Variants in CALN1 observed in about 807,000 individuals in gnomAD.
The protein encoded by CALN1 is calcium-binding protein 8.
CALN1 carries 17 observed loss-of-function variants against 30.6 expected under a neutral mutation model. The ratio of observed to expected loss-of-function variants is 0.56; its 90% CI spans 0.38 to 0.83. The LOEUF is 0.83. Among genes scored for constraint, CALN1 ranks in the 40% least tolerant of loss-of-function variants. CALN1 has a pLI of 0.00. For synonymous variants in CALN1, 156 were observed against 131.4 expected (o/e 1.19, Z -1.28); for missense variants, 291 against 354.9 (o/e 0.82, Z 1.45).
chr7:72,413,233 TCA>T (rs982182834), upstream of CALN1, among the ~76,000 whole-genome samples: 16 of 147,992 alleles, frequency 1.1e-4, no homozygotes, highest in Admixed American at 4.0e-4. Flanking sequence ...ACATATACAC[TCA>T]CACACACCAC....
At chr7:72,071,673 T>C (rs1804404580) in intron 4 of CALN1, among the ~76,000 whole-genome samples, 3 of 152,188 alleles carry the variant, frequency 2.0e-5, no homozygotes, top group Non-Finnish European at 4.4e-5. Context: ...TTTCCAGAGG[T>C]ACTCCATTAT....
intron 5 of CALN1, among the ~76,000 whole-genome samples, chr7:71,894,426 G>T (rs1263173014): frequency 6.7e-6 from 1 of 149,414 alleles, no homozygotes; most frequent in African/African-American, 2.5e-5. Context: ...TACTATGCCT[G>T]GCTAATTTTT....
At chr7:71,953,290 G>A (rs116192625) in intron 5 of CALN1, among the ~76,000 whole-genome samples, 1,793 of 152,174 alleles carry the variant, frequency 0.012, 33 homozygotes, top group African/African-American at 0.04. Flanking sequence ...ATCTGTTGGT[G>A]CCCACGGCTT....
chr7:71,991,709 C>T (rs1255200879), intron 5 of CALN1, among the ~76,000 whole-genome samples: 5 of 152,226 alleles, frequency 3.3e-5, no homozygotes, highest in African/African-American at 1.2e-4. Flanking sequence ...GGGACAGATA[C>T]TTAAAAGTAG....
intron 5 of CALN1, among the ~76,000 whole-genome samples, chr7:71,895,251 G>A (rs559390796): frequency 2.0e-5 from 3 of 152,096 alleles, no homozygotes; most frequent in Admixed American, 6.6e-5. Flanking sequence ...CATTGTGCCC[G>A]GCCTTGAATT....
intron 1 of CALN1, among the ~76,000 whole-genome samples, chr7:72,408,760 T>C (rs924704038): frequency 2.2e-5 from 3 of 136,564 alleles, no homozygotes; most frequent in Non-Finnish European, 1.5e-5. Context: ...CCCTGCAGCC[T>C]CAACCTCCCG....
chr7:72,054,546 T>C (rs7796527), intron 4 of CALN1, among the ~76,000 whole-genome samples: 21,872 of 108,302 alleles, frequency 0.2, 3,929 homozygotes, highest in East Asian at 0.69. Context: ...TATATATACA[T>C]ATATATATAT....
In CALN1 at chr7:71,787,430, C is replaced by CGT; in HGVS notation, c.*344_*345insAC. ...TGTTCATGCCTCTCTCTTGCTCTCT[C>CGT]ACCATTATACCTGGATGGCTGCTGG... On this transcript the variant is annotated 3_prime_UTR_variant, in exon 7 of 7. Transcript: ENST00000395275. 4.6e-5 allele frequency: 11 copies of CGT among 237,052 alleles called. No individual in the cohort carries two copies. The highest frequency in any genetic ancestry group is 2.6e-4 in the South Asian group (4 of 15,410). The allele number at this position is 237,052 out of a possible 1,614,324, so 14.7% of individuals were successfully genotyped here. A position where few individuals can be genotyped will look rare whatever the true frequency, so the allele number is the denominator to read the frequency against.
At chr7:72,328,998 G>A (rs769445544) in intron 2 of CALN1, among the ~76,000 whole-genome samples, 6 of 152,126 alleles carry the variant, frequency 3.9e-5, no homozygotes, top group Non-Finnish European at 5.9e-5. Flanking sequence ...TGCCCAGCCC[G>A]GTGTCTACAT....
chr7:72,116,601 C>T (rs950176972), intron 3 of CALN1, among the ~76,000 whole-genome samples: 1 of 152,104 alleles, frequency 6.6e-6, no homozygotes, highest in African/African-American at 2.4e-5. Context: ...CAAAAGGGCA[C>T]AGCTAGCACT....
chr7:72,454,171 C>T, the CALN1 span, among the ~76,000 whole-genome samples: 1 of 152,108 alleles, frequency 6.6e-6, no homozygotes, highest in Non-Finnish European at 1.5e-5. Context: ...TGGAAGGCCT[C>T]AATTCAGCTC....
At chr7:72,413,942 C>A (rs1807340528), upstream of CALN1, among the ~76,000 whole-genome samples, 1 of 152,050 alleles carries the variant, frequency 6.6e-6, no homozygotes, top group African/African-American at 2.4e-5. Context: ...CTCACATATA[C>A]TCCCCCTTCC....
At chr7:71,818,004 A>C (rs572444454) in intron 5 of CALN1, among the ~76,000 whole-genome samples, 2 of 152,256 alleles carry the variant, frequency 1.3e-5, no homozygotes, top group East Asian at 3.9e-4. Context: ...TCTGTAGTGC[A>C]AAAAGATTTA....
intron 5 of CALN1, among the ~76,000 whole-genome samples, chr7:71,925,072 C>A (rs1319096285): frequency 6.6e-6 from 1 of 152,084 alleles, no homozygotes; most frequent in Non-Finnish European, 1.5e-5. Flanking sequence ...GAAACCCTGT[C>A]TCTACTAAAA....
intron 5 of CALN1, among the ~76,000 whole-genome samples, chr7:71,889,594 C>A (rs1269670064): frequency 6.6e-6 from 1 of 152,118 alleles, no homozygotes; most frequent in South Asian, 2.1e-4. Flanking sequence ...GGGTCTCAAC[C>A]TATGAATAAG....
At chr7:72,268,469 G>A (rs1796738863) in intron 3 of CALN1, among the ~76,000 whole-genome samples, 1 of 152,154 alleles carries the variant, frequency 6.6e-6, no homozygotes, top group African/African-American at 2.4e-5. Flanking sequence ...TGCTATAATG[G>A]TTGACAATTT....
chr7:72,129,730 A>G (rs1037834712), intron 3 of CALN1, among the ~76,000 whole-genome samples: 1 of 152,196 alleles, frequency 6.6e-6, no homozygotes, highest in Non-Finnish European at 1.5e-5. Context: ...CATGACACTC[A>G]AATCTTCATA....
the CALN1 span, among the ~76,000 whole-genome samples, chr7:72,486,918 G>A: frequency 4.0e-4 from 61 of 152,078 alleles, no homozygotes; most frequent in Non-Finnish European, 7.4e-5. Flanking sequence ...ATGCAACTGG[G>A]GCAACATTTA....
chr7:72,088,754 G>GAAGAGAAGGAAGAGAAGT (rs1805654818), intron 4 of CALN1, among the ~76,000 whole-genome samples: 1 of 146,272 alleles, frequency 6.8e-6, no homozygotes, highest in Non-Finnish European at 1.5e-5. Context: ...GGGAAGGAAG[G>GAAGAGAAGGAAGAGAAGT]AAGAGAAGGA....
Sources: allele counts gnomAD v4.1 joint callset (sites outside exome capture counted in the v4.1 genomes callset), GRCh38; gene constraint gnomAD v4.1.1; transcripts MANE v1.5; gene names NCBI Gene and HGNC (gene_info 2026-07-23, HGNC 2026-07-21).